Variants in ABI3BP observed in about 807,000 individuals in gnomAD.
The protein encoded by ABI3BP is ABI family member 3 binding protein.
A neutral mutation model predicts 268.6 loss-of-function variants in ABI3BP; 216 were observed. The ratio of observed to expected loss-of-function variants is 0.80; its 90% CI spans 0.72 to 0.90. The LOEUF (loss-of-function observed/expected upper bound fraction) is 0.90, where lower values mean the gene tolerates loss of function less well. ABI3BP is among the 40% of genes least tolerant of loss of function. The pLI is 0.00. For missense variants in ABI3BP, 2,090 were observed against 2,182.4 expected (o/e 0.96, Z 0.84); for synonymous variants, 730 against 730.0 (o/e 1.00, Z 0.00).
chr3:100,765,833 TG>T lies in ABI3BP; in HGVS notation c.4850+7del, dbSNP rs765265695. On this transcript the variant is annotated splice_region_variant and intron_variant, in intron 63 of 67. Coordinates refer to ENST00000471714, the MANE Select transcript of ABI3BP (RefSeq NM_001375547.2). ...CAGAATTTACCTGGAATAGCACTGG[TG>T]GCTTACCTCGTGTTTGGTTTCAGAT... 1 of 1,586,816 alleles carries T rather than the reference TG, an allele frequency of 6.3e-7. No individual in the cohort carries two copies. The highest frequency in any genetic ancestry group is 8.6e-7 in the Non-Finnish European group (1 of 1,159,750).
At chr3:100,834,946 C>T (rs2098552374) in intron 28 of ABI3BP, among the ~76,000 whole-genome samples, 173 bp from the exon 29 acceptor site, 1 of 152,056 alleles carries the variant, frequency 6.6e-6, no homozygotes, top group African/African-American at 2.4e-5. Context: ...GGTCTACTGA[C>T]AGGTCTTTTG....
Position 100,876,475 on chromosome 3 carries a change from GATTGCTCTAAACACATTTCC to G in ABI3BP, c.745+17_745+36del, listed in dbSNP as rs2099162056. 6.4e-7 allele frequency: 1 copy of G among 1,564,584 alleles called. No homozygotes were observed. Among genetic ancestry groups the G allele is most frequent in the Non-Finnish European group, 8.8e-7 (1 of 1,142,380 alleles). On this transcript the variant is annotated intron_variant, in intron 7 of 67. Coordinates refer to ENST00000471714, the MANE Select transcript of ABI3BP (RefSeq NM_001375547.2). ...TTACCTTAGCTAAAAGTATGTTAAAGATTGCTCTAAACACATTTCCAGAGCAGACAAATTACCTTGCTTGA... is the reference window on the plus strand; with the variant it reads ...TTACCTTAGCTAAAAGTATGTTAAAGAGAGCAGACAAATTACCTTGCTTGA...
intron 20 of ABI3BP, chr3:100,844,518 G>A (rs1303922351): frequency 9.5e-6 from 9 of 944,034 alleles, no homozygotes; most frequent in South Asian, 4.9e-5. Flanking sequence ...AAGAGTGTGC[G>A]GAGAGGGCTG....
intron 63 of ABI3BP, among the ~76,000 whole-genome samples, chr3:100,756,725 G>A (rs557232186): frequency 1.4e-4 from 21 of 148,654 alleles, no homozygotes; most frequent in East Asian, 9.8e-4. Context: ...TCACAGTTAC[G>A]TACACTTAAG....
chr3:100,754,818 A>G (rs1373207957), intron 63 of ABI3BP, 127 bp from the exon 64 acceptor site: 2 of 770,058 alleles, frequency 2.6e-6, no homozygotes, highest in African/African-American at 1.7e-5. Context: ...ATGGTAACAT[A>G]TGTTCCAGAA....
rs1453391408 is a variant in ABI3BP, at chr3:100,750,563, C to CAAAT, written c.5292_5293insATTT (p.Gly1765IlefsTer14). 1 of 1,613,166 alleles carries CAAAT rather than the reference C, an allele frequency of 6.2e-7. No individual in the cohort carries two copies. Among genetic ancestry groups the CAAAT allele is most frequent in the Non-Finnish European group, 8.5e-7 (1 of 1,179,446 alleles). On this transcript the variant is annotated frameshift_variant, in exon 68 of 68. Coordinates refer to ENST00000471714, the MANE Select transcript of ABI3BP (RefSeq NM_001375547.2). LOFTEE classifies it high-confidence loss of function. ...ACATAATTGATTTGGGTGTGACCACCTATTTCTCCAAATTGGACAGGTTCC... is the reference window on the plus strand; with the variant it reads ...ACATAATTGATTTGGGTGTGACCACCAAATTATTTCTCCAAATTGGACAGGTTCC...
At chr3:100,782,221 A>T (rs548772567) in intron 57 of ABI3BP, among the ~76,000 whole-genome samples, 2 of 152,374 alleles carry the variant, frequency 1.3e-5, no homozygotes, top group Admixed American at 6.5e-5. Flanking sequence ...GTCACTGACC[A>T]GGCATATGCA....
At chr3:100,767,726 G>T (rs543990880) in intron 62 of ABI3BP, among the ~76,000 whole-genome samples, 39 of 152,164 alleles carry the variant, frequency 2.6e-4, no homozygotes, top group Non-Finnish European at 5.0e-4. Flanking sequence ...CTGCTTATGG[G>T]GATTAAATTG....
intron 9 of ABI3BP, among the ~76,000 whole-genome samples, chr3:100,871,670 T>C (rs1482471577): frequency 1.3e-5 from 2 of 152,208 alleles, no homozygotes; most frequent in Admixed American, 6.5e-5. Context: ...TTGCCTTCCA[T>C]CACGAATGTG....
rs547504270 is a variant in ABI3BP, at chr3:100,832,142, C to G, written c.2401+122G>C. The G allele has an allele frequency of 2.4e-4, 208 of 860,986 alleles. 7 individuals carry two copies. In the South Asian group the frequency reaches 4.2e-3, roughly 17 times the overall value. The allele number at this position is 860,986 out of a possible 1,614,324, so 53.3% of individuals were successfully genotyped here. On this transcript the variant is annotated intron_variant, in intron 31 of 67. Transcript: ENST00000471714. Reference sequence around the variant, plus strand: ...AGCTATTCATGTTCTCCTCACTAACCAGTAGCTTTTACTCTTAAGAGATAT... The same window carrying G: ...AGCTATTCATGTTCTCCTCACTAACGAGTAGCTTTTACTCTTAAGAGATAT...
intron 41 of ABI3BP, among the ~76,000 whole-genome samples, chr3:100,817,784 A>G (rs2098102783): frequency 6.6e-6 from 1 of 152,224 alleles, no homozygotes. Flanking sequence ...TGCATAATAT[A>G]TGCTTTTCTA....
At chr3:100,891,779 C>A (rs1316033087) in intron 4 of ABI3BP, among the ~76,000 whole-genome samples, 1 of 152,170 alleles carries the variant, frequency 6.6e-6, no homozygotes, top group African/African-American at 2.4e-5. Flanking sequence ...ATGTTGAGAA[C>A]TACTATTGTA....
chr3:100,837,385 AAAAC>A (rs1473855769), intron 26 of ABI3BP: 1 of 453,768 alleles, frequency 2.2e-6, no homozygotes, highest in Non-Finnish European at 3.8e-6. Context: ...TTTCAACTGC[AAAAC>A]AGTTGGATTC....
intron 29 of ABI3BP, among the ~76,000 whole-genome samples, chr3:100,833,414 A>T (rs542953904): frequency 6.6e-6 from 1 of 152,338 alleles, no homozygotes; most frequent in South Asian, 2.1e-4. Flanking sequence ...AGTAGAAAAC[A>T]CTGCTTAGAA....
intron 19 of ABI3BP, 100 bp from the exon 20 acceptor site, chr3:100,846,546 A>G: frequency 2.5e-6 from 2 of 788,500 alleles, no homozygotes; most frequent in Non-Finnish European, 4.0e-6. Flanking sequence ...TATACATTAA[A>G]TGGAATGAAC....
Sources: gnomAD v4.1 joint callset for allele counts (sites outside exome capture counted in the v4.1 genomes callset) on GRCh38, gnomAD v4.1.1 for gene constraint, MANE v1.5 for transcripts, NCBI Gene and HGNC (gene_info 2026-07-23, HGNC 2026-07-21) for gene names.